The following USP25 variants were observed in gnomAD, a reference collection of about 807,000 sequenced individuals.
USP25 encodes the protein ubiquitin specific peptidase 25, also known as ubiquitin carboxyl-terminal hydrolase 25.
A neutral mutation model predicts 158.5 loss-of-function variants in USP25; 85 were observed. That is an observed-to-expected ratio of 0.54 (90% CI 0.45 to 0.64). USP25 has a LOEUF of 0.64. USP25 is among the 30% of genes least tolerant of loss of function. The pLI is 0.00. For synonymous variants in USP25, 464 were observed against 460.4 expected (o/e 1.01, Z -0.10); for missense variants, 1,242 against 1,327.3 (o/e 0.94, Z 1.00).
intron 19 of USP25, 50 bp downstream of exon 19, chr21:15,847,826 A>G (rs975282920): frequency 1.5e-6 from 2 of 1,291,860 alleles, no homozygotes; most frequent in African/African-American, 1.5e-5. Flanking sequence ...TTGCTATTTA[A>G]TACAAATACT....
chr21:15,784,691 G>A (rs1164800393), intron 4 of USP25, among the ~76,000 whole-genome samples: 1 of 152,120 alleles, frequency 6.6e-6, no homozygotes, highest in East Asian at 1.9e-4. Context: ...GTTGTTATTA[G>A]CTTAAAATAG....
Position 15,833,363 on chromosome 21 carries a change from A to G in USP25, c.2009A>G (p.Glu670Gly), listed in dbSNP as rs1197356256. The G allele has an allele frequency of 6.2e-7, 1 of 1,612,768 alleles. No homozygotes were observed. Among genetic ancestry groups the G allele is most frequent in the Non-Finnish European group, 8.5e-7 (1 of 1,179,554 alleles). Residue 670 changes from glutamate (E) to glycine (G), a missense_variant, in exon 17 of 26, where the codon GAA becomes GGA. Transcript: ENST00000400183. ...TGATTTGCAGAGGAGTTTAATAAAG[A>G]AACTGGGCAGCCCCTTGTTGGTATA... The part of the protein sequence containing the change: ...QFLIQEEFNK[E>G]TGQPLVGIET...
At chr21:15,818,663 A>G in intron 9 of USP25, 35 bp from the exon 10 acceptor site, 2 of 1,577,080 alleles carry the variant, frequency 1.3e-6, no homozygotes, top group Non-Finnish European at 1.7e-6. Context: ...CCAGAAGGCC[A>G]TATTGAGTAT....
At chr21:15,824,815 C>G (rs756334441) in intron 11 of USP25, 151 bp from the exon 12 acceptor site, 18 of 586,720 alleles carry the variant, frequency 3.1e-5, no homozygotes, top group African/African-American at 7.9e-5. Context: ...GAGATTTCAC[C>G]ATGTTGGCCA....
intron 9 of USP25, among the ~76,000 whole-genome samples, chr21:15,814,271 A>G (rs987878942): frequency 6.6e-6 from 1 of 151,414 alleles, no homozygotes; most frequent in Non-Finnish European, 1.5e-5. Flanking sequence ...TGTAAGTCCA[A>G]TTAAACCTCT....
intron 21 of USP25, 102 bp from the exon 22 acceptor site, chr21:15,866,164 T>A (rs2039647177): frequency 1.6e-6 from 1 of 613,036 alleles, no homozygotes; most frequent in African/African-American, 1.9e-5. Context: ...GTACTGCTGT[T>A]TTTGCTCAGT....
rs754022117 is a variant in USP25, at chr21:15,816,038, C to G, written c.932-2660C>G. ...GGGCTAGGGCTGGAATGATGTGGTT[C>G]AGCTGTGTCCTGATGTAAATCTCAA... On this transcript the variant is annotated intron_variant, in intron 9 of 25. Coordinates refer to ENST00000400183, the MANE Select transcript of USP25 (RefSeq NM_001283041.3). This position sits in a 1 kb window ranked among gnomAD's most constrained non-coding sequence, Gnocchi z 4.0. 4.9e-4 allele frequency among the ~76,000 whole-genome samples: 75 copies of G among 152,242 alleles called. No individual in the cohort carries two copies. Among genetic ancestry groups the G allele is most frequent in the East Asian group, 5.8e-4 (3 of 5,174 alleles).
At chr21:15,860,953 C>CATATAT (rs140631215) in intron 20 of USP25, among the ~76,000 whole-genome samples, 134 of 145,664 alleles carry the variant, frequency 9.2e-4, no homozygotes, top group Non-Finnish European at 1.4e-3. Context: ...TTGGTATCTT[C>CATATAT]ATATATATAT....
At position 15,827,290 on chromosome 21, in the gene USP25, T is replaced by G. The variant is rs2037558332; in HGVS notation, c.1693+87T>G. On this transcript the variant is annotated intron_variant, in intron 14 of 25. Transcript: ENST00000400183. ...TGAGAAGGGAAATCACGTCTGGATT[T>G]TATATTTAAATATTATAGTCATTTT... 9 of 1,125,070 alleles carry G rather than the reference T, an allele frequency of 8.0e-6. No individual in the cohort carries two copies. In the South Asian group the frequency reaches 1.3e-4, roughly 17 times the overall value. The allele number at this position is 1,125,070 out of a possible 1,614,324, so 69.7% of individuals were successfully genotyped here.
At chr21:15,736,361 G>A (rs2031517715) in intron 1 of USP25, among the ~76,000 whole-genome samples, 1 of 152,104 alleles carries the variant, frequency 6.6e-6, no homozygotes, top group Non-Finnish European at 1.5e-5. Context: ...GGCTCCCGAA[G>A]TACTGGGCAG....
At chr21:15,827,492 G>A (rs902064785) in intron 14 of USP25, among the ~76,000 whole-genome samples, 6 of 152,074 alleles carry the variant, frequency 3.9e-5, no homozygotes, top group African/African-American at 1.4e-4. Flanking sequence ...GGTATTCACA[G>A]TTACTCCATT....
intron 20 of USP25, among the ~76,000 whole-genome samples, chr21:15,863,242 G>A (rs762499864): frequency 1.3e-5 from 2 of 151,762 alleles, no homozygotes; most frequent in African/African-American, 4.8e-5. Flanking sequence ...ATTAGTATTT[G>A]TTATTTCCCA....
intron 4 of USP25, among the ~76,000 whole-genome samples, chr21:15,782,016 A>T (rs1371572421): frequency 2.0e-5 from 3 of 152,124 alleles, no homozygotes; most frequent in Non-Finnish European, 4.4e-5. Flanking sequence ...CCCTCATTCC[A>T]CAAAGTTCAC....
intron 23 of USP25, among the ~76,000 whole-genome samples, chr21:15,871,324 C>T (rs928688855): frequency 2.0e-5 from 3 of 152,046 alleles, no homozygotes; most frequent in South Asian, 4.1e-4. Flanking sequence ...GATTTTATTT[C>T]TTTAATAGGA....
chr21:15,808,503 A>G (rs1287773209), intron 7 of USP25, among the ~76,000 whole-genome samples: 1 of 151,886 alleles, frequency 6.6e-6, no homozygotes, highest in Non-Finnish European at 1.5e-5. Context: ...GTGGGGAGTA[A>G]TGATTATTTT....
At chr21:15,798,812 G>A (rs150557447) in intron 5 of USP25, among the ~76,000 whole-genome samples, 7 of 151,010 alleles carry the variant, frequency 4.6e-5, no homozygotes, top group Non-Finnish European at 1.0e-4. Context: ...TTTATATGTA[G>A]TTTTCTCAAT....
chr21:15,864,923 A>G (rs1416068109), intron 21 of USP25, among the ~76,000 whole-genome samples: 2 of 152,258 alleles, frequency 1.3e-5, no homozygotes, highest in East Asian at 1.9e-4. Flanking sequence ...TTATTAGAGA[A>G]TCACTGGAGA....
Position 15,879,567 on chromosome 21 carries a change from TTTAAGA to T in USP25, c.*1097_*1102del, listed in dbSNP as rs1233699781. 2 of 152,530 alleles carry T rather than the reference TTTAAGA, an allele frequency of 1.3e-5. No individual in the cohort carries two copies. The highest frequency in any genetic ancestry group is 2.9e-5 in the Non-Finnish European group (2 of 67,976). 9.4% of individuals were successfully genotyped at this position (152,530 alleles called of 1,614,324 possible). On this transcript the variant is annotated 3_prime_UTR_variant, in exon 26 of 26. Transcript: ENST00000400183. ...GAACATTTTGTAGATGAAACTACTG[TTTAAGA>T]TTAATGAATTAATATTGTGAATGAA...
chr21:15,831,256 C>A, intron 15 of USP25, 145 bp from the exon 16 acceptor site: 1 of 698,416 alleles, frequency 1.4e-6, no homozygotes, highest in Non-Finnish European at 2.4e-6. Context: ...TTTTTTCAAA[C>A]TTTTAAGCCC....
Sources: allele counts gnomAD v4.1 joint callset (sites outside exome capture counted in the v4.1 genomes callset), GRCh38; gene constraint gnomAD v4.1.1; non-coding constraint Gnocchi (gnomAD v3.1); transcripts MANE v1.5; gene names NCBI Gene and HGNC (gene_info 2026-07-23, HGNC 2026-07-21).